KALRN: variants seen among roughly 807,000 people sequenced by gnomAD.
The protein encoded by KALRN is kalirin.
A neutral mutation model predicts 353.7 loss-of-function variants in KALRN; 70 were observed. That is an observed-to-expected ratio of 0.20 (90% CI 0.16 to 0.24). The LOEUF (loss-of-function observed/expected upper bound fraction) is 0.24. Ranked by LOEUF, KALRN falls within the 10% of genes least tolerant of loss-of-function variation. The pLI, the probability that KALRN is intolerant of heterozygous loss-of-function variation, is 1.00. For missense variants in KALRN, 2,791 were observed against 3,756.7 expected, an observed-to-expected ratio of 0.74 and a Z score of 6.72; for synonymous variants, 1,391 against 1,434.8, an observed-to-expected ratio of 0.97 and a Z score of 0.69.
chr3:124,250,566 C>T (rs1171161394), intron 3 of KALRN, among the ~76,000 whole-genome samples: 2 of 152,168 alleles, frequency 1.3e-5, no homozygotes, highest in Non-Finnish European at 2.9e-5. Context: ...AGGCACTGTG[C>T]TTAGACAGGT....
chr3:124,439,102 C>T, intron 18 of KALRN, 65 bp downstream of exon 18: 1 of 1,465,850 alleles, frequency 6.8e-7, no homozygotes, highest in African/African-American at 1.4e-5. Context: ...CTTTCATCCT[C>T]TTTCTCTTTC....
chr3:124,682,005 GC>G (rs1384836367), intron 51 of KALRN, among the ~76,000 whole-genome samples: 1 of 152,206 alleles, frequency 6.6e-6, no homozygotes, highest in African/African-American at 2.4e-5. Context: ...CAGAGGGAAA[GC>G]AGGCAACTTG....
intron 1 of KALRN, among the ~76,000 whole-genome samples, chr3:124,141,035 C>T: frequency 6.6e-6 from 1 of 152,144 alleles, no homozygotes; most frequent in East Asian, 1.9e-4. Context: ...CATGTTCTTG[C>T]CTTGAAGCTT....
chr3:124,120,456 G>A (rs1315584550), intron 1 of KALRN, among the ~76,000 whole-genome samples: 1 of 152,066 alleles, frequency 6.6e-6, no homozygotes. Context: ...AGCATGTTGA[G>A]GGGACTGTCA....
intron 51 of KALRN, among the ~76,000 whole-genome samples, chr3:124,691,987 G>A (rs765211617): frequency 1.2e-4 from 18 of 152,180 alleles, no homozygotes; most frequent in Non-Finnish European, 2.2e-4. Flanking sequence ...AAGCCTCCGG[G>A]GCAGGAAGTT....
intron 33 of KALRN, chr3:124,504,946 C>T (rs2065045678): frequency 4.0e-6 from 2 of 504,778 alleles, no homozygotes; most frequent in Admixed American, 2.1e-5. Context: ...GCAAACAAGG[C>T]TCAAGTGAGT....
intron 33 of KALRN, among the ~76,000 whole-genome samples, chr3:124,523,780 C>T (rs2067354716): frequency 6.6e-6 from 1 of 152,186 alleles, no homozygotes; most frequent in Non-Finnish European, 1.5e-5. Flanking sequence ...TCTGCACTGT[C>T]TCCTCTTGGT....
chr3:124,469,663 C>A (rs2060692422), intron 25 of KALRN, among the ~76,000 whole-genome samples: 1 of 152,186 alleles, frequency 6.6e-6, no homozygotes, highest in Non-Finnish European at 1.5e-5. Context: ...TCTCCCCACC[C>A]CATTTCCGAC....
At chr3:124,440,170 G>C (rs1431732302) in intron 18 of KALRN, among the ~76,000 whole-genome samples, 1 of 151,956 alleles carries the variant, frequency 6.6e-6, no homozygotes, top group Non-Finnish European at 1.5e-5. Flanking sequence ...CTTCTGTGCA[G>C]AGCTTATGAT....
At chr3:124,619,678 G>A (rs2079060604) in intron 34 of KALRN, among the ~76,000 whole-genome samples, 1 of 151,644 alleles carries the variant, frequency 6.6e-6, no homozygotes, top group African/African-American at 2.4e-5. Context: ...GTAGAGACAG[G>A]GTCTCACCAT....
chr3:124,513,049 GCAGT>G (rs2066125509), intron 33 of KALRN, among the ~76,000 whole-genome samples: 1 of 152,136 alleles, frequency 6.6e-6, no homozygotes, highest in African/African-American at 2.4e-5. Flanking sequence ...ATTCAAGAAG[GCAGT>G]CAGACAGTGA....
At chr3:124,329,808 C>G in intron 7 of KALRN, 53 bp from the exon 8 acceptor site, 1 of 1,585,094 alleles carries the variant, frequency 6.3e-7, no homozygotes, top group Non-Finnish European at 8.6e-7. Flanking sequence ...ATAATCCACC[C>G]AACTCCTCAC....
chr3:124,449,769 G>A (rs1321807392), intron 21 of KALRN, among the ~76,000 whole-genome samples: 1 of 152,134 alleles, frequency 6.6e-6, no homozygotes, highest in Non-Finnish European at 1.5e-5. Context: ...GCCTGTTTGG[G>A]CATTTCATAT....
rs578099171 is a variant in KALRN at position 124,175,398 on chromosome 3, T to A, written c.74-52592T>A. The stretch of plus-strand genomic sequence containing the variant: ...ATGTGCGCTGCGAAGTGTCCAGGCC[T>A]ACTCTCCAGGATGCGGAGATGCGCG... On this transcript the variant is annotated intron_variant, in intron 1 of 59. Transcript: ENST00000682506. Among the ~76,000 whole-genome samples the A allele has an allele frequency of 2.6e-5, 4 of 151,178 alleles. No individual in the cohort carries two copies. The East Asian group carries it at 7.8e-4, about 29-fold the overall frequency.
intron 34 of KALRN, among the ~76,000 whole-genome samples, chr3:124,609,307 A>C (rs2077678511): frequency 1.3e-5 from 2 of 152,084 alleles, no homozygotes; most frequent in African/African-American, 4.8e-5. Context: ...GTCATGGAGT[A>C]CTTCCTACTT....
At chr3:124,095,263 G>A (rs996726742) in intron 1 of KALRN, among the ~76,000 whole-genome samples, 2 of 152,192 alleles carry the variant, frequency 1.3e-5, no homozygotes, top group Non-Finnish European at 2.9e-5. Context: ...GAAGGAGAAT[G>A]ATTCCTGCAG....
chr3:124,582,799 C>T (rs970516395), intron 34 of KALRN, among the ~76,000 whole-genome samples: 3 of 151,748 alleles, frequency 2.0e-5, no homozygotes, highest in Non-Finnish European at 4.4e-5. Flanking sequence ...GATGGGGTCT[C>T]ACTCTGTTGC....
chr3:124,614,412 G>T (rs372508221), intron 34 of KALRN, among the ~76,000 whole-genome samples: 2 of 151,838 alleles, frequency 1.3e-5, no homozygotes, highest in Admixed American at 6.6e-5. Flanking sequence ...GGGACTACAG[G>T]CATGTACCAC....
intron 3 of KALRN, among the ~76,000 whole-genome samples, chr3:124,249,489 T>A (rs1392110074): frequency 6.6e-6 from 1 of 151,820 alleles, no homozygotes; most frequent in Non-Finnish European, 1.5e-5. Context: ...TTAAAAAGAG[T>A]AGAATGCTGT....
Sources: gnomAD v4.1 joint callset for allele counts (sites outside exome capture counted in the v4.1 genomes callset) on GRCh38, gnomAD v4.1.1 for gene constraint, MANE v1.5 for transcripts, NCBI Gene and HGNC (gene_info 2026-07-23, HGNC 2026-07-21) for gene names.